Variants in KIF3C observed in about 807,000 individuals in gnomAD.
KIF3C encodes kinesin family member 3C.
In KIF3C, 12 loss-of-function variants were observed where a neutral mutation model predicts 67.7. The ratio of observed to expected loss-of-function variants is 0.18; its 90% CI spans 0.11 to 0.29. The LOEUF (loss-of-function observed/expected upper bound fraction) is 0.29. Ranked by LOEUF, KIF3C falls within the 10% of genes least tolerant of loss-of-function variation. The pLI is 1.00. For missense variants in KIF3C, 789 were observed against 1,059.6 expected, an observed-to-expected ratio of 0.74 and a Z score of 3.55; for synonymous variants, 393 against 426.2, an observed-to-expected ratio of 0.92 and a Z score of 0.96.
rs2149234057 is a variant in KIF3C, at chr2:25,955,478, T to C, written c.1770+63A>G. The C allele has an allele frequency of 6.3e-7, 1 of 1,583,746 alleles. No homozygotes were observed. Among genetic ancestry groups the C allele is most frequent in the Non-Finnish European group, 8.6e-7 (1 of 1,160,020 alleles). On this transcript the variant is annotated intron_variant, in intron 3 of 7. Transcript: ENST00000264712. This position sits in a 1 kb window ranked among gnomAD's most constrained non-coding sequence, Gnocchi z 5.0. The stretch of plus-strand genomic sequence containing the variant: ...TGGGGAGGAGTCCCTGAAGCACACA[T>C]CCCTTGGGCAGAGACTGCTGGGCCT...
intron 1 of KIF3C, among the ~76,000 whole-genome samples, chr2:25,972,698 C>CT (rs1183463903): frequency 2.6e-5 from 4 of 152,134 alleles, no homozygotes; most frequent in African/African-American, 9.7e-5. Flanking sequence ...GGAGATAGCC[C>CT]TATTTGAAGA....
intron 1 of KIF3C, among the ~76,000 whole-genome samples, chr2:25,962,684 C>T (rs1663978881): frequency 7.1e-6 from 1 of 140,264 alleles, no homozygotes; most frequent in African/African-American, 2.7e-5. Flanking sequence ...GCCCTTTTTT[C>T]ACCTCTATGG....
intron 1 of KIF3C, among the ~76,000 whole-genome samples, chr2:25,974,526 G>A (rs1664362045): frequency 6.6e-6 from 1 of 152,116 alleles, no homozygotes; most frequent in South Asian, 2.1e-4. Flanking sequence ...CAATAGCACT[G>A]TAACAAAGAT....
Position 25,971,871 on chromosome 2 carries a change from C to CTTT in KIF3C, c.1545+8499_1545+8501dup, listed in dbSNP as rs70950146. 3.2e-3 allele frequency among the ~76,000 whole-genome samples: 172 copies of CTTT among 53,734 alleles called. 3 individuals are homozygous for CTTT. The highest frequency in any genetic ancestry group is 7.5e-3 in the African/African-American group (103 of 13,656). The allele number at this position is 53,734 out of a possible 152,430, so 35.3% of individuals were successfully genotyped here. ...TACAGGCATGCAGTACCATGCCTAG[C>CTTT]TTTTTTTTTTTTTTTTTTTTTTTTT... On this transcript the variant is annotated intron_variant, in intron 1 of 7. Coordinates refer to ENST00000264712, the MANE Select transcript of KIF3C (RefSeq NM_002254.8).
intron 1 of KIF3C, among the ~76,000 whole-genome samples, chr2:25,979,635 A>G (rs1664512480): frequency 6.6e-6 from 1 of 152,064 alleles, no homozygotes; most frequent in South Asian, 2.1e-4. Flanking sequence ...CATAACCCCC[A>G]AATCTCTTTC....
chr2:25,941,422 C>G (rs747162261), intron 5 of KIF3C, among the ~76,000 whole-genome samples: 15 of 152,054 alleles, frequency 9.9e-5, no homozygotes, highest in Admixed American at 2.6e-4. Context: ...TGGATGCTGT[C>G]ACATATATCA....
chr2:25,963,170 G>T (rs1252752120), intron 1 of KIF3C, among the ~76,000 whole-genome samples: 1 of 42,276 alleles, frequency 2.4e-5, no homozygotes. Context: ...ATGTATGTGT[G>T]TGTGTATATA....
At chr2:25,929,134 G>A (rs2090436646) in intron 7 of KIF3C, 63 bp from the exon 8 acceptor site, 9 of 1,485,072 alleles carry the variant, frequency 6.1e-6, no homozygotes, top group South Asian at 1.2e-5. Flanking sequence ...AGGAAAGTGG[G>A]TCCTCTCCTT....
At position 25,958,741 on chromosome 2, in the gene KIF3C, T is replaced by C. The variant is rs1315910027; in HGVS notation, c.1546-2297A>G. Reference sequence around the variant, plus strand: ...TCCCGGTTCCTCTTACTATTCATGCTCTGCGTATGCTCTGTACTCCAGCCT... The same window carrying C: ...TCCCGGTTCCTCTTACTATTCATGCCCTGCGTATGCTCTGTACTCCAGCCT... On this transcript the variant is annotated intron_variant, in intron 1 of 7. Coordinates refer to ENST00000264712, the MANE Select transcript of KIF3C (RefSeq NM_002254.8). This position sits in a 1 kb window ranked among gnomAD's most constrained non-coding sequence, Gnocchi z 4.5. Among the ~76,000 whole-genome samples the C allele has an allele frequency of 1.3e-5, 2 of 152,138 alleles. No homozygotes were observed. The highest frequency in any genetic ancestry group is 3.9e-4 in the East Asian group (2 of 5,180).
Position 25,980,277 on chromosome 2 carries a change from C to A in KIF3C, c.1545+96G>T. 1 of 1,011,106 alleles carries A rather than the reference C, an allele frequency of 9.9e-7. No homozygotes were observed. Among genetic ancestry groups the A allele is most frequent in the Non-Finnish European group, 1.4e-6 (1 of 694,122 alleles). 62.6% of individuals were successfully genotyped at this position (1,011,106 alleles called of 1,614,324 possible). On this transcript the variant is annotated intron_variant, in intron 1 of 7. Coordinates refer to ENST00000264712, the MANE Select transcript of KIF3C (RefSeq NM_002254.8). The surrounding 1 kb of genome is among the most constrained non-coding windows in gnomAD (Gnocchi z 7.6). The stretch of plus-strand genomic sequence containing the variant: ...GTGTGCGGTGCTGAGGGAGAACCTC[C>A]ACTTCAGGCCAGGTCACAGACTCTC...
rs1664609327 is a variant in KIF3C, at chr2:25,981,984, C to G, written c.-67G>C. 1 of 1,346,172 alleles carries G rather than the reference C, an allele frequency of 7.4e-7. No homozygotes were observed. Among genetic ancestry groups the G allele is most frequent in the South Asian group, 1.4e-5 (1 of 69,992 alleles). 83.4% of individuals were successfully genotyped at this position (1,346,172 alleles called of 1,614,324 possible). A position where few individuals can be genotyped will look rare whatever the true frequency, so the allele number is the denominator to read the frequency against. On this transcript the variant is annotated 5_prime_UTR_variant, in exon 1 of 8. It removes the in-frame stop codon of an upstream open reading frame in the 5' UTR. Coordinates refer to ENST00000264712, the MANE Select transcript of KIF3C (RefSeq NM_002254.8). This position sits in a 1 kb window ranked among gnomAD's most constrained non-coding sequence, Gnocchi z 8.2. ...CTGGGCGGTCCTGCTATCCTGCTCG[C>G]TAGGTCGGGATCAGCGGGGCCGGCC...
In KIF3C at chr2:25,981,467, C is replaced by T. The variant is rs1161760243; in HGVS notation, c.451G>A (p.Glu151Lys). ...TTGGAGAGCAGGTCTCGAATCTCTT[C>T]CTGGTAGATCTCCAAATAGGAGGCC... ...VRASYLEIYQEEIRDLLSKEP... is the reference protein window; with the variant it reads ...VRASYLEIYQKEIRDLLSKEP... The change falls in exon 1 of 8, where the codon GAA becomes AAA. Residue 151 changes from glutamate (E) to lysine (K), a missense_variant. Transcript: ENST00000264712. The surrounding 1 kb of genome is among the most constrained non-coding windows in gnomAD (Gnocchi z 8.2). 1 of 1,614,056 alleles carries T rather than the reference C, an allele frequency of 6.2e-7. No individual in the cohort carries two copies. The highest frequency in any genetic ancestry group is 8.5e-7 in the Non-Finnish European group (1 of 1,180,040).
intron 5 of KIF3C, among the ~76,000 whole-genome samples, chr2:25,949,606 G>C (rs1663544078): frequency 6.6e-6 from 1 of 151,984 alleles, no homozygotes; most frequent in Non-Finnish European, 1.5e-5. Flanking sequence ...CCCACAACTA[G>C]TTGAGCACAT....
At chr2:25,934,309 T>G (rs1480858373) in intron 5 of KIF3C, among the ~76,000 whole-genome samples, 2 of 152,140 alleles carry the variant, frequency 1.3e-5, no homozygotes, top group Non-Finnish European at 2.9e-5. Context: ...CTGGGCGTGG[T>G]GGCTCATGCC....
At chr2:25,953,288 G>A (rs1322010029) in intron 4 of KIF3C, among the ~76,000 whole-genome samples, 11 of 151,544 alleles carry the variant, frequency 7.3e-5, no homozygotes, top group Admixed American at 7.2e-4. Flanking sequence ...AAAATCTAAT[G>A]TATCCCATCA....
chr2:25,952,557 A>ATT (rs1553714915), intron 4 of KIF3C, among the ~76,000 whole-genome samples: 2 of 125,680 alleles, frequency 1.6e-5, no homozygotes, highest in African/African-American at 6.1e-5. Flanking sequence ...GTGTATATAT[A>ATT]TATATATTTT....
intron 1 of KIF3C, among the ~76,000 whole-genome samples, chr2:25,962,951 AAT>A (rs1553715919): frequency 3.0e-5 from 1 of 33,082 alleles, no homozygotes; most frequent in Non-Finnish European, 4.1e-5. Context: ...TATAATATAT[AAT>A]ATATAATATA....
Position 25,928,842 on chromosome 2 carries a change from G to T in KIF3C, c.*136C>A. 1.5e-6 allele frequency: 1 copy of T among 662,762 alleles called. No individual in the cohort carries two copies. The highest frequency in any genetic ancestry group is 2.6e-6 in the Non-Finnish European group (1 of 385,524). The allele number at this position is 662,762 out of a possible 1,614,324, so 41.1% of individuals were successfully genotyped here. A position where few individuals can be genotyped will look rare whatever the true frequency, so the allele number is the denominator to read the frequency against. On this transcript the variant is annotated 3_prime_UTR_variant, in exon 8 of 8. Coordinates refer to ENST00000264712, the MANE Select transcript of KIF3C (RefSeq NM_002254.8). ...AGAAGAGCAGGCAGAGGCACCATCT[G>T]CCAGATTCTCACCCCTGCACACACG... is the stretch of plus-strand genomic sequence containing the variant.
intron 5 of KIF3C, among the ~76,000 whole-genome samples, chr2:25,934,813 G>A (rs1416616200): frequency 3.3e-5 from 5 of 151,926 alleles, no homozygotes; most frequent in South Asian, 2.1e-4. Context: ...TAATCCCCAC[G>A]CTTTGGGAGG....
Sources: gnomAD v4.1 joint callset for allele counts (sites outside exome capture counted in the v4.1 genomes callset) on GRCh38, gnomAD v4.1.1 for gene constraint, Gnocchi (gnomAD v3.1) non-coding constraint, MANE v1.5 for transcripts, NCBI Gene and HGNC (gene_info 2026-07-23, HGNC 2026-07-21) for gene names.